PAK1: variants seen among roughly 807,000 people sequenced by gnomAD.
The protein encoded by PAK1 is serine/threonine-protein kinase PAK 1.
Under a neutral mutation model 67.4 loss-of-function variants are expected in PAK1, and 29 were observed. The observed-to-expected ratio is 0.43, with a 90% confidence interval of 0.32 to 0.59. The LOEUF is 0.59. Among genes scored for constraint, PAK1 ranks in the 20% least tolerant of loss-of-function variants. The probability of loss-of-function intolerance (pLI) is 0.07; values close to 1 mark genes in which losing one functional copy is unlikely to be tolerated. For synonymous variants in PAK1, 223 were observed against 237.4 expected, an observed-to-expected ratio of 0.94 and a Z score of 0.56; for missense variants, 337 against 670.7, an observed-to-expected ratio of 0.50 and a Z score of 5.50.
the PAK1 span, among the ~76,000 whole-genome samples, chr11:77,505,340 A>G: frequency 6.6e-6 from 1 of 152,136 alleles, no homozygotes; most frequent in African/African-American, 2.4e-5. Context: ...GGTCCCTGCC[A>G]TCAGGCCCAG....
the PAK1 span, among the ~76,000 whole-genome samples, chr11:77,485,705 C>T: frequency 2.0e-5 from 3 of 152,148 alleles, no homozygotes; most frequent in African/African-American, 7.2e-5. Flanking sequence ...GAACTCCTGA[C>T]CTCAGGTGAC....
At chr11:77,486,772 G>A in the PAK1 span, among the ~76,000 whole-genome samples, 26,132 of 152,206 alleles carry the variant, frequency 0.17, 2,885 homozygotes, top group South Asian at 0.34. Flanking sequence ...TCTGGGTGGG[G>A]AATTGTCTAT....
intron 1 of PAK1, among the ~76,000 whole-genome samples, chr11:77,448,299 C>A (rs946485182): frequency 6.6e-6 from 1 of 152,164 alleles, no homozygotes; most frequent in Non-Finnish European, 1.5e-5. Flanking sequence ...TTACTCAATG[C>A]GTGGTACTTT....
intron 1 of PAK1, among the ~76,000 whole-genome samples, chr11:77,458,819 A>G (rs1191054722): frequency 2.0e-5 from 3 of 152,222 alleles, no homozygotes; most frequent in South Asian, 4.1e-4. Context: ...GGAGTGCAAA[A>G]GTAAATTATT....
the PAK1 span, among the ~76,000 whole-genome samples, chr11:77,486,358 G>A: frequency 3.9e-5 from 6 of 151,944 alleles, no homozygotes; most frequent in Non-Finnish European, 8.8e-5. Context: ...GTTGACAATT[G>A]CAGAGGAGGA....
intron 1 of PAK1, among the ~76,000 whole-genome samples, chr11:77,419,088 A>G (rs1238877080): frequency 2.6e-5 from 4 of 152,184 alleles, no homozygotes; most frequent in Non-Finnish European, 5.9e-5. Context: ...CTCTCTTTCA[A>G]TGGTGGGTGC....
rs190846766 is a variant in PAK1 at position 77,433,545 on chromosome 11, C to T, written c.-22+40007G>A. Among the ~76,000 whole-genome samples, 8 of 152,162 alleles carry T rather than the reference C, an allele frequency of 5.3e-5. 1 individual carries two copies. Among genetic ancestry groups the T allele is most frequent in the Admixed American group, 3.9e-4 (6 of 15,286 alleles). ...CTGTAATCCCAGCACTTTGGGGGGC[C>T]GAGGCAGGCGGATCATGAGGTCAGG... is the stretch of plus-strand genomic sequence containing the variant. On this transcript the variant is annotated intron_variant, in intron 1 of 14. Coordinates refer to ENST00000356341, the MANE Select transcript of PAK1 (RefSeq NM_002576.5).
chr11:77,337,196 C>A, intron 12 of PAK1, 128 bp downstream of exon 12: 2 of 509,364 alleles, frequency 3.9e-6, no homozygotes, highest in African/African-American at 1.9e-5. Flanking sequence ...ATAAAACAGC[C>A]CTCATATCCC....
At chr11:77,378,347 T>C (rs1949369077) in intron 4 of PAK1, among the ~76,000 whole-genome samples, 1 of 152,180 alleles carries the variant, frequency 6.6e-6, no homozygotes, top group African/African-American at 2.4e-5. Flanking sequence ...AATTCTGCTA[T>C]TAAAAACACT....
intron 2 of PAK1, among the ~76,000 whole-genome samples, chr11:77,388,112 C>G (rs986719003): frequency 1.3e-5 from 2 of 152,162 alleles, no homozygotes. Context: ...TCTTATAACT[C>G]TGTATGTTTT....
chr11:77,463,559 T>C (rs775376438), intron 1 of PAK1, among the ~76,000 whole-genome samples: 3 of 152,232 alleles, frequency 2.0e-5, no homozygotes, highest in Non-Finnish European at 2.9e-5. Flanking sequence ...TTCATCAATA[T>C]TTATTTACTT....
In PAK1 at chr11:77,462,950, TG is replaced by T. The variant is rs543468332; in HGVS notation, c.-22+10601del. On this transcript the variant is annotated intron_variant, in intron 1 of 14. Coordinates refer to ENST00000356341, the MANE Select transcript of PAK1 (RefSeq NM_002576.5). ...AAAGTGCCTACTATAGGTTAGGCAC[TG>T]GGGGATACAACAGTGAGAAAAAAAA... Among the ~76,000 whole-genome samples, 867 of 88,638 alleles carry T rather than the reference TG, an allele frequency of 9.8e-3. 7 individuals are homozygous for T. Among genetic ancestry groups the T allele is most frequent in the African/African-American group, 0.037 (834 of 22,546 alleles). The allele number at this position is 88,638 out of a possible 152,430, so 58.1% of individuals were successfully genotyped here. A position where few individuals can be genotyped will look rare whatever the true frequency, so the allele number is the denominator to read the frequency against.
intron 1 of PAK1, among the ~76,000 whole-genome samples, chr11:77,405,330 ACTGAT>A (rs1317464956): frequency 2.0e-5 from 3 of 152,192 alleles, no homozygotes; most frequent in African/African-American, 7.2e-5. Flanking sequence ...GGTTTTGAGC[ACTGAT>A]CTGATTTATG....
At chr11:77,434,071 C>T (rs1955991741) in intron 1 of PAK1, among the ~76,000 whole-genome samples, 1 of 152,178 alleles carries the variant, frequency 6.6e-6, no homozygotes, top group African/African-American at 2.4e-5. Context: ...CTTTAGAAAA[C>T]AGTCAGGTAG....
intron 1 of PAK1, among the ~76,000 whole-genome samples, chr11:77,460,829 T>C (rs948347974): frequency 6.6e-6 from 1 of 152,114 alleles, no homozygotes; most frequent in Non-Finnish European, 1.5e-5. Context: ...GAAGCTTCTA[T>C]TTCATCTGTG....
chr11:77,456,691 A>G (rs888223377), intron 1 of PAK1, among the ~76,000 whole-genome samples: 2 of 152,090 alleles, frequency 1.3e-5, no homozygotes, highest in African/African-American at 4.8e-5. Context: ...CTACTACCTC[A>G]TGTAATCCTA....
At chr11:77,411,238 G>A (rs1954473588) in intron 1 of PAK1, among the ~76,000 whole-genome samples, 1 of 151,952 alleles carries the variant, frequency 6.6e-6, no homozygotes, top group African/African-American at 2.4e-5. Flanking sequence ...CTTTAAACCA[G>A]CTCACCTCTC....
At chr11:77,516,086 A>C in the PAK1 span, among the ~76,000 whole-genome samples, 4 of 152,230 alleles carry the variant, frequency 2.6e-5, no homozygotes, top group South Asian at 8.3e-4. Flanking sequence ...TGGTCAAGTC[A>C]CTTAACCTCT....
chr11:77,470,360 T>C (rs1318936716), intron 1 of PAK1, among the ~76,000 whole-genome samples: 1 of 152,222 alleles, frequency 6.6e-6, no homozygotes, highest in Non-Finnish European at 1.5e-5. Context: ...CCACCTTTTT[T>C]CATCCCTCTA....
Sources: gnomAD v4.1 joint callset for allele counts (sites outside exome capture counted in the v4.1 genomes callset) on GRCh38, gnomAD v4.1.1 for gene constraint, MANE v1.5 for transcripts, NCBI Gene and HGNC (gene_info 2026-07-23, HGNC 2026-07-21) for gene names.